Variants in XKR6 observed in about 807,000 individuals in gnomAD.
XKR6 encodes XK related 6.
XKR6 carries 22 observed loss-of-function variants against 56.7 expected under a neutral mutation model. The ratio of observed to expected loss-of-function variants is 0.39; its 90% CI spans 0.28 to 0.55. The LOEUF (loss-of-function observed/expected upper bound fraction) is 0.55. Among genes scored for constraint, XKR6 ranks in the 20% least tolerant of loss-of-function variants. The pLI, the probability that XKR6 is intolerant of heterozygous loss-of-function variation, is 0.66. For missense variants in XKR6, 852 were observed against 889.0 expected (o/e 0.96, Z 0.53); for synonymous variants, 524 against 387.8 (o/e 1.35, Z -4.13).
At chr8:10,921,558 T>G (rs1269834858) in intron 2 of XKR6, among the ~76,000 whole-genome samples, 2 of 152,188 alleles carry the variant, frequency 1.3e-5, no homozygotes, top group Non-Finnish European at 2.9e-5. Flanking sequence ...CACTGAAAAT[T>G]AGGTATTATT....
intron 1 of XKR6, among the ~76,000 whole-genome samples, chr8:10,961,730 T>C (rs1425696507): frequency 1.3e-5 from 2 of 152,222 alleles, no homozygotes; most frequent in Non-Finnish European, 2.9e-5. Context: ...GAACTCTGGT[T>C]TGCTCCTTTT....
chr8:11,201,054 G>T lies in XKR6; in HGVS notation c.286C>A (p.Gln96Lys). 2 of 1,254,728 alleles carry T rather than the reference G, an allele frequency of 1.6e-6. No homozygotes were observed. 77.7% of individuals were successfully genotyped at this position (1,254,728 alleles called of 1,614,324 possible). The change falls in exon 1 of 3, where the codon CAG (glutamine) becomes AAG (lysine). Residue 96 changes from glutamine to lysine, a missense_variant. Coordinates refer to ENST00000416569, the MANE Select transcript of XKR6 (RefSeq NM_173683.4). ...CCGGCGCCGGGGGCCGCGGGAGGCT[G>T]CAGCGGCTGGTCCCCCCCGTCGGCG... ...AAADGGDQPL[Q>K]PPAAPGAGRQ...
intron 1 of XKR6, among the ~76,000 whole-genome samples, chr8:11,084,071 G>A (rs780850678): frequency 4.6e-5 from 7 of 152,206 alleles, no homozygotes; most frequent in South Asian, 2.1e-4. Flanking sequence ...ATCCACAACC[G>A]CATGGCTTTG....
intron 1 of XKR6, among the ~76,000 whole-genome samples, chr8:10,983,721 T>C (rs1383944822): frequency 6.6e-6 from 1 of 151,954 alleles, no homozygotes; most frequent in Non-Finnish European, 1.5e-5. Context: ...AGTGGCCTGA[T>C]CTCAGCTCAC....
intron 1 of XKR6, among the ~76,000 whole-genome samples, chr8:10,979,958 C>T (rs956519712): frequency 3.9e-5 from 6 of 152,212 alleles, no homozygotes; most frequent in Non-Finnish European, 7.3e-5. Context: ...AAGGTTTCTT[C>T]GGGTTCACAC....
intron 1 of XKR6, chr8:11,107,989 G>A (rs1448195643): frequency 6.2e-6 from 2 of 321,874 alleles, no homozygotes; most frequent in South Asian, 2.6e-5. Flanking sequence ...CCCAATATTA[G>A]AGTTTCTTCA....
intron 1 of XKR6, among the ~76,000 whole-genome samples, chr8:11,182,030 T>G (rs1487518687): frequency 6.6e-6 from 1 of 152,322 alleles, no homozygotes; most frequent in East Asian, 1.9e-4. Context: ...AGCGATCCGC[T>G]CGCTTCCCAA....
chr8:11,154,277 G>A (rs971062309), intron 1 of XKR6, among the ~76,000 whole-genome samples: 5 of 152,184 alleles, frequency 3.3e-5, no homozygotes, highest in African/African-American at 1.2e-4. Flanking sequence ...AATCAAACAT[G>A]CTATCTCAGG....
intron 1 of XKR6, among the ~76,000 whole-genome samples, chr8:11,096,779 G>C (rs1798275216): frequency 6.6e-6 from 1 of 152,164 alleles, no homozygotes; most frequent in Non-Finnish European, 1.5e-5. Flanking sequence ...CTTCCATGTT[G>C]GTGTCTTCTT....
chr8:11,182,016 C>T (rs970169774), intron 1 of XKR6, among the ~76,000 whole-genome samples: 1 of 152,352 alleles, frequency 6.6e-6, no homozygotes, highest in South Asian at 2.1e-4. Context: ...AACTCCCACA[C>T]TCAAGCGATC....
chr8:10,988,390 T>C (rs1196053968), intron 1 of XKR6, among the ~76,000 whole-genome samples: 1 of 152,268 alleles, frequency 6.6e-6, no homozygotes, highest in East Asian at 1.9e-4. Flanking sequence ...TTGTTTCGTA[T>C]ATCCTGGTCT....
At chr8:11,145,171 C>G (rs1016282403) in intron 1 of XKR6, among the ~76,000 whole-genome samples, 1 of 152,116 alleles carries the variant, frequency 6.6e-6, no homozygotes, top group African/African-American at 2.4e-5. Context: ...CTCACTGGAG[C>G]ATTTTGGATT....
intron 1 of XKR6, among the ~76,000 whole-genome samples, chr8:10,991,990 C>T (rs1406680671): frequency 1.3e-5 from 2 of 152,174 alleles, no homozygotes; most frequent in Non-Finnish European, 2.9e-5. Context: ...TGTCTATATA[C>T]AGGTGGCCAA....
At chr8:11,108,830 C>T (rs1488045767) in intron 1 of XKR6, 3 of 156,742 alleles carry the variant, frequency 1.9e-5, no homozygotes, top group African/African-American at 4.8e-5. Context: ...CCAGTCCCTA[C>T]ACCCACAGAA....
intron 1 of XKR6, among the ~76,000 whole-genome samples, chr8:10,973,982 T>G (rs1802480495): frequency 1.3e-5 from 2 of 152,280 alleles, no homozygotes; most frequent in Admixed American, 6.5e-5. Context: ...CATTCCAGTT[T>G]TTTTTTAAGT....
intron 1 of XKR6, chr8:11,067,124 G>T (rs772650580): frequency 6.6e-6 from 1 of 152,268 alleles, no homozygotes; most frequent in Admixed American, 6.5e-5. Context: ...AGACAGTTTC[G>T]GAGAGACGTC....
chr8:11,171,622 C>A (rs1802372591), intron 1 of XKR6, among the ~76,000 whole-genome samples: 1 of 152,222 alleles, frequency 6.6e-6, no homozygotes, highest in Non-Finnish European at 1.5e-5. Context: ...CGTGTGATCT[C>A]TGCACACACA....
rs74995920 is a variant in XKR6 at position 11,093,466 on chromosome 8, C to T, written c.764+107110G>A. Reference sequence around the variant, plus strand: ...TTTTCTGCGAGCAGTTCTGGTGCTTCCCTGCTCCCCGCACTCCACTGTGGG... The same window carrying T: ...TTTTCTGCGAGCAGTTCTGGTGCTTTCCTGCTCCCCGCACTCCACTGTGGG... On this transcript the variant is annotated intron_variant, in intron 1 of 2. Coordinates refer to ENST00000416569, the MANE Select transcript of XKR6 (RefSeq NM_173683.4). Among the ~76,000 whole-genome samples the T allele has an allele frequency of 6.4e-3, 968 of 152,352 alleles. 2 individuals carry two copies. Among genetic ancestry groups the T allele is most frequent in the Non-Finnish European group, 9.6e-3 (656 of 68,036 alleles).
intron 1 of XKR6, among the ~76,000 whole-genome samples, chr8:10,990,895 CTTTTTTT>C (rs59410799): frequency 7.1e-4 from 52 of 73,600 alleles, no homozygotes; most frequent in East Asian, 3.5e-4. Context: ...TGGGGAATGT[CTTTTTTT>C]TTTTTTTTTT....
Sources: gnomAD v4.1 joint callset for allele counts (sites outside exome capture counted in the v4.1 genomes callset) on GRCh38, gnomAD v4.1.1 for gene constraint, MANE v1.5 for transcripts, NCBI Gene and HGNC (gene_info 2026-07-23, HGNC 2026-07-21) for gene names.